Variants in CHL1 observed in about 807,000 individuals in gnomAD.
The protein encoded by CHL1 is cell adhesion molecule L1 like.
Under a neutral mutation model 141.9 loss-of-function variants are expected in CHL1, and 96 were observed. The ratio of observed to expected loss-of-function variants is 0.68; its 90% CI spans 0.57 to 0.80. The LOEUF (loss-of-function observed/expected upper bound fraction) is 0.80, where lower values mean the gene tolerates loss of function less well. CHL1 is among the 30% of genes least tolerant of loss of function. CHL1 has a pLI of 0.00. For synonymous variants in CHL1, 613 were observed against 502.2 expected, an observed-to-expected ratio of 1.22 and a Z score of -2.95; for missense variants, 1,820 against 1,457.2, an observed-to-expected ratio of 1.25 and a Z score of -4.05.
At chr3:316,713 A>G (rs1212392886) in intron 2 of CHL1, among the ~76,000 whole-genome samples, 1 of 151,944 alleles carries the variant, frequency 6.6e-6, no homozygotes, top group Non-Finnish European at 1.5e-5. Flanking sequence ...ACCCTGATGT[A>G]ATTATTCCAC....
At chr3:392,194 A>G (rs530869597) in intron 23 of CHL1, among the ~76,000 whole-genome samples, 1 of 152,314 alleles carries the variant, frequency 6.6e-6, no homozygotes, top group South Asian at 2.1e-4. Flanking sequence ...CACGTGTTTA[A>G]TGTTTATATA....
intron 2 of CHL1, among the ~76,000 whole-genome samples, chr3:285,695 T>A (rs1051318842): frequency 6.6e-6 from 1 of 152,170 alleles, no homozygotes. Context: ...TTGAATGAAA[T>A]ACTATGTATA....
intron 14 of CHL1, among the ~76,000 whole-genome samples, chr3:365,218 C>A (rs1704725595): frequency 6.6e-6 from 1 of 152,118 alleles, no homozygotes. Flanking sequence ...TTTAATAGGG[C>A]ATTAAAGAGT....
chr3:244,516 T>A (rs1692973679), intron 1 of CHL1, 97 bp from the exon 2 acceptor site: 2 of 146,320 alleles, frequency 1.4e-5, no homozygotes, highest in South Asian at 4.2e-4. Flanking sequence ...AAAGAAAAAT[T>A]AAATCCATTT....
chr3:310,873 G>C (rs1006494735), intron 2 of CHL1, among the ~76,000 whole-genome samples: 2 of 152,176 alleles, frequency 1.3e-5, no homozygotes, highest in African/African-American at 4.8e-5. Context: ...TAAAAATCCT[G>C]TCCTCCTATT....
intron 10 of CHL1, among the ~76,000 whole-genome samples, chr3:354,023 T>A (rs1703490853): frequency 6.6e-6 from 1 of 152,086 alleles, no homozygotes; most frequent in Non-Finnish European, 1.5e-5. Context: ...TACAGGTAAT[T>A]TTAAGGTATA....
At chr3:349,330 A>C (rs756384214) in intron 9 of CHL1, 29 bp from the exon 10 acceptor site, 82 of 1,575,160 alleles carry the variant, frequency 5.2e-5, no homozygotes, top group Non-Finnish European at 6.5e-5. Context: ...TTTTAAAAAA[A>C]TGTTTATTTA....
At chr3:230,115 C>G (rs1400692833) in intron 1 of CHL1, among the ~76,000 whole-genome samples, 3 of 152,178 alleles carry the variant, frequency 2.0e-5, no homozygotes, top group Admixed American at 6.5e-5. Context: ...TTAAAACACT[C>G]TGTTACCAGA....
At chr3:226,092 G>T (rs181672813) in intron 1 of CHL1, among the ~76,000 whole-genome samples, 7 of 151,022 alleles carry the variant, frequency 4.6e-5, no homozygotes, top group Non-Finnish European at 1.0e-4. Flanking sequence ...CACGATCTCA[G>T]CTCACTGCAA....
At chr3:322,688 A>ATATATATATATAATTATATATATATATAT in intron 3 of CHL1, among the ~76,000 whole-genome samples, 1 of 144,906 alleles carries the variant, frequency 6.9e-6, no homozygotes, top group African/African-American at 2.5e-5. Flanking sequence ...ATATATATAT[A>ATATATATATATAATTATATATATATATAT]AAACGAATAG....
At chr3:313,206 C>T (rs1269144617) in intron 2 of CHL1, among the ~76,000 whole-genome samples, 4 of 152,124 alleles carry the variant, frequency 2.6e-5, no homozygotes, top group African/African-American at 9.7e-5. Context: ...CGATAAGAGT[C>T]ACCTTTTGTT....
chr3:349,486 T>C lies in CHL1; in HGVS notation c.976T>C (p.Cys326Arg), dbSNP rs1436656641. 1.2e-6 allele frequency: 2 copies of C among 1,614,064 alleles called. No homozygotes were observed. Among genetic ancestry groups the C allele is most frequent in the Non-Finnish European group, 1.7e-6 (2 of 1,179,948 alleles). Reference protein sequence around the residue: ...VSYQDKGNYRCTASNFLGTAT... With the variant: ...VSYQDKGNYRRTASNFLGTAT... Reference sequence around the variant, plus strand: ...CTACCAGGACAAAGGAAATTATCGCTGCACAGCCAGCAATTTCTTGGGAAC... The same window carrying C: ...CTACCAGGACAAAGGAAATTATCGCCGCACAGCCAGCAATTTCTTGGGAAC... The change falls in exon 10 of 28, where the codon TGC becomes CGC. Residue 326 changes from cysteine to arginine, a missense_variant. Physicochemically the swap from Cys to Arg is radical, Grantham distance 180. Transcript: ENST00000256509.
At chr3:236,018 C>T (rs889802223) in intron 1 of CHL1, among the ~76,000 whole-genome samples, 3 of 152,144 alleles carry the variant, frequency 2.0e-5, no homozygotes, top group African/African-American at 7.2e-5. Flanking sequence ...ATGCAACATG[C>T]TTGAAACATG....
chr3:214,569 A>G (rs1300736414), intron 1 of CHL1, among the ~76,000 whole-genome samples: 1 of 152,174 alleles, frequency 6.6e-6, no homozygotes, highest in African/African-American at 2.4e-5. Flanking sequence ...AATCTATTTT[A>G]TACATTGCAT....
chr3:380,027 G>C (rs1403141078), intron 16 of CHL1, among the ~76,000 whole-genome samples: 3 of 152,134 alleles, frequency 2.0e-5, no homozygotes, highest in Non-Finnish European at 1.5e-5. Context: ...AAAAGTTTCA[G>C]TTGCAAGTTC....
At chr3:261,452 C>A (rs1694711546) in intron 2 of CHL1, among the ~76,000 whole-genome samples, 1 of 151,954 alleles carries the variant, frequency 6.6e-6, no homozygotes, top group South Asian at 2.1e-4. Flanking sequence ...AAAATAAGGC[C>A]AGTTGCTACT....
intron 1 of CHL1, chr3:197,750 A>C (rs1698485195): frequency 2.2e-6 from 1 of 454,332 alleles, no homozygotes; most frequent in African/African-American, 2.0e-5. Flanking sequence ...CAGACCGCCG[A>C]GGGGCGAGAG....
chr3:374,828 T>C (rs373611052), intron 15 of CHL1, among the ~76,000 whole-genome samples: 3 of 152,206 alleles, frequency 2.0e-5, no homozygotes, highest in Non-Finnish European at 4.4e-5. Context: ...AGTAACCTCA[T>C]ACTTCTTACC....
intron 3 of CHL1, among the ~76,000 whole-genome samples, chr3:325,626 GCATGCTAA>G (rs1233581292): frequency 6.6e-6 from 1 of 152,000 alleles, no homozygotes; most frequent in Non-Finnish European, 1.5e-5. Context: ...AAATGCATAT[GCATGCTAA>G]CATAGATTGA....
Sources: gnomAD v4.1 joint callset for allele counts (sites outside exome capture counted in the v4.1 genomes callset) on GRCh38, gnomAD v4.1.1 for gene constraint, MANE v1.5 for transcripts, NCBI Gene and HGNC (gene_info 2026-07-23, HGNC 2026-07-21) for gene names.